The following COL12A1 variants were observed in gnomAD, a reference collection of about 807,000 sequenced individuals.
COL12A1 encodes collagen type XII alpha 1 chain, also known as collagen alpha-1(XII) chain.
Under a neutral mutation model 349.7 loss-of-function variants are expected in COL12A1, and 114 were observed. The ratio of observed to expected loss-of-function variants is 0.33; its 90% confidence interval spans 0.28 to 0.38. The LOEUF (loss-of-function observed/expected upper bound fraction) is 0.38, where lower values mean the gene tolerates loss of function less well. COL12A1 is among the 10% of genes least tolerant of loss of function. COL12A1 has a pLI of 1.00. For missense variants in COL12A1, 3,284 were observed against 3,756.9 expected (o/e 0.87, Z 3.29); for synonymous variants, 1,369 against 1,329.0 (o/e 1.03, Z -0.66).
intron 8 of COL12A1, 33 bp downstream of exon 8, chr6:75,188,329 T>G (rs1769740482): frequency 6.3e-7 from 1 of 1,575,484 alleles, no homozygotes; most frequent in South Asian, 1.2e-5. Context: ...TGGAAAAGAC[T>G]AACACATGGG....
chr6:75,133,805 C>A, intron 33 of COL12A1, 53 bp downstream of exon 33: 1 of 1,596,940 alleles, frequency 6.3e-7, no homozygotes, highest in Non-Finnish European at 8.6e-7. Flanking sequence ...ACTTTTAAAT[C>A]ACTCAGCTAC....
In COL12A1 at chr6:75,177,785, G is replaced by A. The variant is rs1262206963; in HGVS notation, c.2315C>T (p.Pro772Leu). 1 of 1,613,872 alleles carries A rather than the reference G, an allele frequency of 6.2e-7. No individual in the cohort carries two copies. The highest frequency in any genetic ancestry group is 2.2e-5 in the East Asian group (1 of 44,876). ...CTCCAGTGTTCTCCTCCTCTGATTG[G>A]GTGGGGTGGTAACTTCTCTGCTCTC... The part of the protein sequence containing the change: ...GGESREVTTP[P>L]NQRRRTLENL... Residue 772 changes from proline to leucine, a missense_variant, in exon 12 of 66, where the codon CCC (proline) becomes CTC (leucine). Coordinates refer to ENST00000322507, the MANE Select transcript of COL12A1 (RefSeq NM_004370.6).
At chr6:75,202,168 C>T (rs1770561410) in intron 2 of COL12A1, among the ~76,000 whole-genome samples, 1 of 152,260 alleles carries the variant, frequency 6.6e-6, no homozygotes, top group Non-Finnish European at 1.5e-5. Flanking sequence ...ATCCCCCAGG[C>T]TGCTTGGCTG....
rs201567848 is a variant in COL12A1, at chr6:75,128,355, G to A, written c.6281C>T (p.Thr2094Ile). Residue 2094 changes from threonine (T) to isoleucine (I), a missense_variant, in exon 38 of 66, where the codon ACT (threonine) becomes ATT (isoleucine). Around this residue, in one of 2 missense-constraint regions of COL12A1, gnomAD observed 2,601 missense variants for 2,824.8 expected, o/e 0.92. Coordinates refer to ENST00000322507, the MANE Select transcript of COL12A1 (RefSeq NM_004370.6). ...TCCATCTTCATAAACAGCAATAACAGTAATTTTATATGGAGTGTCAGGTTG... is the reference window on the plus strand; with the variant it reads ...TCCATCTTCATAAACAGCAATAACAATAATTTTATATGGAGTGTCAGGTTG... The part of the protein sequence containing the change: ...PLQPDTPYKI[T>I]VIAVYEDGDG... 2.5e-6 allele frequency: 4 copies of A among 1,610,152 alleles called. No individual in the cohort carries two copies. Among genetic ancestry groups the A allele is most frequent in the South Asian group, 1.1e-5 (1 of 90,214 alleles).
At chr6:75,087,462 A>G (rs1363176404) in intron 65 of COL12A1, 115 bp downstream of exon 65, 2 of 933,748 alleles carry the variant, frequency 2.1e-6, no homozygotes, top group African/African-American at 1.6e-5. Context: ...GAACTGAAAG[A>G]GTTGTTATCT....
At chr6:75,106,076 A>G (rs1768529352) in intron 53 of COL12A1, among the ~76,000 whole-genome samples, 1 of 152,114 alleles carries the variant, frequency 6.6e-6, no homozygotes, top group Non-Finnish European at 1.5e-5. Context: ...CATCTAAAAA[A>G]CCTTAGTCAT....
In COL12A1 at chr6:75,142,164, A is replaced by G; in HGVS notation, c.4828-3T>C. 2.5e-6 allele frequency: 4 copies of G among 1,614,060 alleles called. No individual in the cohort carries two copies. Among genetic ancestry groups the G allele is most frequent in the South Asian group, 1.1e-5 (1 of 91,074 alleles). ...GTCTCTGATCTGTCCACCTCTACCTATAACAGTAACAGAGCAGTGGAACTA... is the reference window on the plus strand; with the variant it reads ...GTCTCTGATCTGTCCACCTCTACCTGTAACAGTAACAGAGCAGTGGAACTA... On this transcript the variant is annotated splice_polypyrimidine_tract_variant and splice_region_variant and intron_variant, in intron 26 of 65. Transcript: ENST00000322507.
intron 59 of COL12A1, among the ~76,000 whole-genome samples, chr6:75,096,273 A>C (rs1768019887): frequency 6.6e-6 from 1 of 152,234 alleles, no homozygotes; most frequent in Admixed American, 6.5e-5. Context: ...GTAAATACTT[A>C]ACATGAAAGT....
At position 75,189,749 on chromosome 6, in the gene COL12A1, T is replaced by C. The variant is rs1769830203; in HGVS notation, c.461A>G (p.Asn154Ser). The change falls in exon 6 of 66, where the codon AAT becomes AGT. Residue 154 changes from asparagine (N) to serine (S), a missense_variant. This residue lies in a region of COL12A1 where 2,601 missense variants were observed against 2,824.8 expected (regional missense o/e 0.92). Coordinates refer to ENST00000322507, the MANE Select transcript of COL12A1 (RefSeq NM_004370.6). ...LVDGSWSVGR[N>S]NFKYILDFIA... ...GAAGTCTAAAATGTACTTGAAATTA[T>C]TTCTTCCCACACTCCAAGAGCCATC... 6.2e-7 allele frequency: 1 copy of C among 1,613,174 alleles called. No homozygotes were observed. The highest frequency in any genetic ancestry group is 1.3e-5 in the African/African-American group (1 of 74,876).
At position 75,188,641 on chromosome 6, in the gene COL12A1, C is replaced by T. The variant is rs1214626398; in HGVS notation, c.824-106G>A. On this transcript the variant is annotated intron_variant, in intron 7 of 65. Coordinates refer to ENST00000322507, the MANE Select transcript of COL12A1 (RefSeq NM_004370.6). ...TTCACAACTGAAGACATATTCAAAT[C>T]GTCATTAAGTCATAAGCCAGAATTG... 6.4e-6 allele frequency: 8 copies of T among 1,252,036 alleles called. No individual in the cohort carries two copies. The Admixed American group carries it at 8.5e-5, about 13-fold the overall frequency. The allele number at this position is 1,252,036 out of a possible 1,614,324, so 77.6% of individuals were successfully genotyped here.
At chr6:75,105,766 A>G (rs899803532) in intron 53 of COL12A1, among the ~76,000 whole-genome samples, 1 of 152,006 alleles carries the variant, frequency 6.6e-6, no homozygotes, top group Admixed American at 6.6e-5. Context: ...TAGGACTTTC[A>G]CTCAATAATA....
At chr6:75,146,951 T>G (rs1359095629) in intron 23 of COL12A1, among the ~76,000 whole-genome samples, 1 of 152,236 alleles carries the variant, frequency 6.6e-6, no homozygotes, top group Non-Finnish European at 1.5e-5. Flanking sequence ...TAGAGAGTGA[T>G]GCGCACTCCT....
Position 75,154,152 on chromosome 6 carries a change from T to C in COL12A1, c.3565+264A>G, listed in dbSNP as rs531560737. 6.3e-4 allele frequency among the ~76,000 whole-genome samples: 96 copies of C among 151,760 alleles called. 1 individual carries two copies. The highest frequency in any genetic ancestry group is 2.2e-3 in the African/African-American group (93 of 41,466). ...TAATAATTATTAATACATTAATAAT[T>C]ATATATTACTCTTAAAAATAGATTT... On this transcript the variant is annotated intron_variant, in intron 17 of 65. Coordinates refer to ENST00000322507, the MANE Select transcript of COL12A1 (RefSeq NM_004370.6).
chr6:75,097,991 G>A (rs1301247635), intron 58 of COL12A1, among the ~76,000 whole-genome samples: 2 of 152,086 alleles, frequency 1.3e-5, no homozygotes, highest in Admixed American at 1.3e-4. Flanking sequence ...AATATGTACT[G>A]GTCAATACAT....
chr6:75,177,902 T>C lies in COL12A1; in HGVS notation c.2198A>G (p.Asp733Gly). The change falls in exon 12 of 66, where the codon GAT becomes GGT. Residue 733 changes from aspartate (D) to glycine (G), a missense_variant. By Grantham distance (94) the Asp-to-Gly change is moderately conservative (BLOSUM62 -1). Around this residue, in one of 2 missense-constraint regions of COL12A1, gnomAD observed 2,601 missense variants for 2,824.8 expected, o/e 0.92. Transcript: ENST00000322507. ...KGAPRNLKVTDETTDSFKITW... is the reference protein window; with the variant it reads ...KGAPRNLKVTGETTDSFKITW... ...AATTTTGAAACTATCTGTAGTCTCATCTGTCACCTTTAGGTTTCGAGGTGC... is the reference window on the plus strand; with the variant it reads ...AATTTTGAAACTATCTGTAGTCTCACCTGTCACCTTTAGGTTTCGAGGTGC... 6.2e-7 allele frequency: 1 copy of C among 1,612,200 alleles called. No homozygotes were observed. The highest frequency in any genetic ancestry group is 8.5e-7 in the Non-Finnish European group (1 of 1,179,932).
chr6:75,205,253 C>G (rs1770721441), intron 1 of COL12A1, among the ~76,000 whole-genome samples: 1 of 150,148 alleles, frequency 6.7e-6, no homozygotes, highest in Non-Finnish European at 1.5e-5. Context: ...GAGGAAGGAG[C>G]CAGAACACTC....
intron 44 of COL12A1, among the ~76,000 whole-genome samples, chr6:75,119,814 T>C (rs1769266687): frequency 6.6e-6 from 1 of 152,182 alleles, no homozygotes; most frequent in Non-Finnish European, 1.5e-5. Flanking sequence ...CCATCTCGAA[T>C]CCAAATGTTG....
rs1256240341 is a variant in COL12A1, at chr6:75,084,388, CA to C, written c.*2158del. ...TGTTTCAGAAATAAATAATATAAGGCAGTGAAATTCACAATCTGCAGTTAAA... is the reference window on the plus strand; with the variant it reads ...TGTTTCAGAAATAAATAATATAAGGCGTGAAATTCACAATCTGCAGTTAAA... On this transcript the variant is annotated 3_prime_UTR_variant, in exon 66 of 66. Coordinates refer to ENST00000322507, the MANE Select transcript of COL12A1 (RefSeq NM_004370.6). The C allele has an allele frequency of 2.6e-5, 4 of 152,596 alleles. No homozygotes were observed. Among genetic ancestry groups the C allele is most frequent in the Admixed American group, 2.0e-4 (3 of 15,274 alleles). 9.5% of individuals were successfully genotyped at this position (152,596 alleles called of 1,614,324 possible).
chr6:75,142,201 G>C (rs1335020494), intron 26 of COL12A1, 40 bp from the exon 27 acceptor site: 20 of 1,611,720 alleles, frequency 1.2e-5, no homozygotes, highest in South Asian at 8.8e-5. Context: ...TTTTACAAAG[G>C]GTTTACTTTT....
Sources: allele counts gnomAD v4.1 joint callset (sites outside exome capture counted in the v4.1 genomes callset), GRCh38; gene constraint gnomAD v4.1.1; regional missense constraint gnomAD v4.1.1; transcripts MANE v1.5; gene names NCBI Gene and HGNC (gene_info 2026-07-23, HGNC 2026-07-21).